NTN4: variants seen among roughly 807,000 people sequenced by gnomAD.
The protein encoded by NTN4 is netrin-4.
NTN4 carries 32 observed loss-of-function variants against 73.6 expected under a neutral mutation model. That is an observed-to-expected ratio of 0.44 (90% confidence interval 0.33 to 0.58). The LOEUF is 0.58. Among genes scored for constraint, NTN4 ranks in the 20% least tolerant of loss-of-function variants. The probability of loss-of-function intolerance (pLI) is 0.04; values close to 1 mark genes in which losing one functional copy is unlikely to be tolerated. For missense variants in NTN4, 654 were observed against 798.3 expected (o/e 0.82, Z 2.18); for synonymous variants, 258 against 287.5 (o/e 0.90, Z 1.04).
chr12:95,749,795 T>C (rs2078890286), intron 2 of NTN4, among the ~76,000 whole-genome samples: 1 of 149,306 alleles, frequency 6.7e-6, no homozygotes. Context: ...ACCCCTTCTC[T>C]GCTTTTCTGG....
intron 2 of NTN4, among the ~76,000 whole-genome samples, chr12:95,775,441 G>T (rs2079084727): frequency 2.6e-5 from 4 of 152,364 alleles, no homozygotes; most frequent in South Asian, 2.1e-4. Context: ...GCCAAGGGAA[G>T]CTGTGACAGA....
rs61303419 is a variant in NTN4, at chr12:95,774,186, T to TAAAA, written c.585+12749_585+12752dup. On this transcript the variant is annotated intron_variant, in intron 2 of 9. Transcript: ENST00000343702. The stretch of plus-strand genomic sequence containing the variant: ...TTTAGTTTTTCTCTCTTTTTTTTTT[T>TAAAA]AAAAAAAAAAGATTGGCATTATAAT... 5.1e-3 allele frequency among the ~76,000 whole-genome samples: 763 copies of TAAAA among 148,802 alleles called. 21 individuals are homozygous for TAAAA. The East Asian group carries it at 0.089, about 17-fold the overall frequency.
intron 7 of NTN4, among the ~76,000 whole-genome samples, chr12:95,680,990 C>A (rs1479719938): frequency 6.6e-6 from 1 of 152,016 alleles, no homozygotes; most frequent in Non-Finnish European, 1.5e-5. Flanking sequence ...GCATTCGAGA[C>A]CAGCCTGGCC....
At position 95,738,147 on chromosome 12, in the gene NTN4, G is replaced by A. The variant is rs984587767; in HGVS notation, c.586-3C>T. Reference sequence around the variant, plus strand: ...GGTGACAAAGCTTTGAAAATAACCTGTAAGGAGAAAGAAAATACCATGCGT... The same window carrying A: ...GGTGACAAAGCTTTGAAAATAACCTATAAGGAGAAAGAAAATACCATGCGT... On this transcript the variant is annotated splice_polypyrimidine_tract_variant and splice_region_variant and intron_variant, in intron 2 of 9. Coordinates refer to ENST00000343702, the MANE Select transcript of NTN4 (RefSeq NM_021229.4). 2.3e-5 allele frequency: 37 copies of A among 1,608,506 alleles called. No individual in the cohort carries two copies. Among genetic ancestry groups the A allele is most frequent in the East Asian group, 2.0e-4 (9 of 44,812 alleles).
rs550208444 is a variant in NTN4 at position 95,667,341 on chromosome 12, C to T, written c.1580-1361G>A. Among the ~76,000 whole-genome samples, 20 of 151,978 alleles carry T rather than the reference C, an allele frequency of 1.3e-4. No homozygotes were observed. The East Asian group carries it at 3.5e-3, about 26-fold the overall frequency. ...GAGTAGCTGGGATTACAGGCCACCA[C>T]GCCCGGCTAATTTTCATATATATAT... On this transcript the variant is annotated intron_variant, in intron 8 of 9. Transcript: ENST00000343702.
chr12:95,721,300 T>C (rs1295187272), intron 3 of NTN4, among the ~76,000 whole-genome samples: 1 of 152,216 alleles, frequency 6.6e-6, no homozygotes, highest in Admixed American at 6.5e-5. Context: ...TTATCGGTTC[T>C]ATTCCTCTGG....
intron 5 of NTN4, among the ~76,000 whole-genome samples, chr12:95,693,064 GTTCA>G (rs993107391): frequency 6.6e-6 from 1 of 151,952 alleles, no homozygotes; most frequent in African/African-American, 2.4e-5. Context: ...CTCACCACTC[GTTCA>G]TTCATTCACT....
rs148655154 is a variant in NTN4 at position 95,668,722 on chromosome 12, G to T, written c.1579+1356C>A. On this transcript the variant is annotated intron_variant, in intron 8 of 9. Coordinates refer to ENST00000343702, the MANE Select transcript of NTN4 (RefSeq NM_021229.4). ...AAAAAGTCTCAGGCTGGGTGTGGTG[G>T]CTCACGCCTGTCATCCCAGCACTTT... 2.0e-5 allele frequency among the ~76,000 whole-genome samples: 3 copies of T among 152,338 alleles called. No homozygotes were observed. The East Asian group carries it at 5.8e-4, about 29-fold the overall frequency.
Position 95,672,217 on chromosome 12 carries a change from G to A in NTN4, c.1511-2071C>T, listed in dbSNP as rs916201360. Reference sequence around the variant, plus strand: ...AATGGTCGGGTTGCGGGGGGCGGGCGGGGGGAGGGAGGGGAGGCGGGGGCA... The same window carrying A: ...AATGGTCGGGTTGCGGGGGGCGGGCAGGGGGAGGGAGGGGAGGCGGGGGCA... On this transcript the variant is annotated intron_variant, in intron 7 of 9. Transcript: ENST00000343702. 4.6e-5 allele frequency: 27 copies of A among 584,676 alleles called. No individual in the cohort carries two copies. In the Admixed American group the frequency reaches 6.6e-4, roughly 14 times the overall value. 36.2% of individuals were successfully genotyped at this position (584,676 alleles called of 1,614,324 possible).
At chr12:95,767,380 CA>C (rs36103752) in intron 2 of NTN4, among the ~76,000 whole-genome samples, 73,656 of 151,838 alleles carry the variant, frequency 0.49, 18,229 homozygotes, top group African/African-American at 0.54. Flanking sequence ...AAATTTCTCA[CA>C]AAAAAAAGTT....
At chr12:95,778,715 C>G (rs1318316382) in intron 2 of NTN4, among the ~76,000 whole-genome samples, 2 of 152,074 alleles carry the variant, frequency 1.3e-5, no homozygotes, top group Non-Finnish European at 2.9e-5. Context: ...GATTCACAGC[C>G]GAATTCTACC....
At chr12:95,733,026 T>C (rs1188527873) in intron 3 of NTN4, among the ~76,000 whole-genome samples, 1 of 152,220 alleles carries the variant, frequency 6.6e-6, no homozygotes, top group East Asian at 1.9e-4. Flanking sequence ...ATATTGACCA[T>C]CTTTTAAAAT....
At position 95,789,908 on chromosome 12, in the gene NTN4, T is replaced by G; in HGVS notation, c.55+347A>C. ...CCCCTCCTCATCATTCCTTAGGCCATGAAGTGCCGGGGGATGGCGAGCTGG... is the reference window on the plus strand; with the variant it reads ...CCCCTCCTCATCATTCCTTAGGCCAGGAAGTGCCGGGGGATGGCGAGCTGG... On this transcript the variant is annotated intron_variant, in intron 1 of 9. Transcript: ENST00000343702. The surrounding 1 kb of genome is among the most constrained non-coding windows in gnomAD (Gnocchi z 4.0). 6.2e-5 allele frequency: 14 copies of G among 227,294 alleles called. No homozygotes were observed. Among genetic ancestry groups the G allele is most frequent in the East Asian group, 1.9e-4 (2 of 10,514 alleles). 14.1% of individuals were successfully genotyped at this position (227,294 alleles called of 1,614,324 possible).
At chr12:95,716,092 A>AC (rs1284983327) in intron 3 of NTN4, among the ~76,000 whole-genome samples, 2 of 151,622 alleles carry the variant, frequency 1.3e-5, no homozygotes, top group East Asian at 3.9e-4. Context: ...AAAAAAAAAA[A>AC]CACCCACACA....
intron 9 of NTN4, among the ~76,000 whole-genome samples, chr12:95,663,954 A>G (rs1459320782): frequency 3.9e-5 from 6 of 152,192 alleles, no homozygotes; most frequent in Admixed American, 1.3e-4. Context: ...CTAAGCACAA[A>G]TCACTGGGAA....
intron 5 of NTN4, among the ~76,000 whole-genome samples, chr12:95,694,481 AGG>A (rs970351534): frequency 7.2e-5 from 11 of 152,184 alleles, no homozygotes; most frequent in Non-Finnish European, 1.5e-4. Flanking sequence ...TCTTAGAGCA[AGG>A]GGGACTTAAG....
chr12:95,782,573 T>A (rs946968863), intron 2 of NTN4, among the ~76,000 whole-genome samples: 1 of 152,176 alleles, frequency 6.6e-6, no homozygotes, highest in African/African-American at 2.4e-5. Flanking sequence ...ATTACAGGCG[T>A]GAGCCACTGT....
chr12:95,754,022 T>C (rs754513214), intron 2 of NTN4, among the ~76,000 whole-genome samples: 7 of 152,198 alleles, frequency 4.6e-5, no homozygotes, highest in Non-Finnish European at 7.3e-5. Flanking sequence ...CTCCTGGTGC[T>C]ATCCCCAAAC....
chr12:95,672,750 G>A, intron 7 of NTN4: 1 of 1,372,886 alleles, frequency 7.3e-7, no homozygotes, highest in Non-Finnish European at 1.0e-6. Context: ...CAGATGATCA[G>A]CTATCCTCCT....
Sources: gnomAD v4.1 joint callset for allele counts (sites outside exome capture counted in the v4.1 genomes callset) on GRCh38, gnomAD v4.1.1 for gene constraint, Gnocchi (gnomAD v3.1) non-coding constraint, MANE v1.5 for transcripts, NCBI Gene and HGNC (gene_info 2026-07-23, HGNC 2026-07-21) for gene names.